The following TRIM6 variants were observed in gnomAD, a reference collection of about 807,000 sequenced individuals.
The protein encoded by TRIM6 is tripartite motif-containing protein 6.
Under a neutral mutation model 51.2 loss-of-function variants are expected in TRIM6, and 43 were observed. The observed-to-expected ratio is 0.84, with a 90% confidence interval of 0.66 to 1.08. The LOEUF (loss-of-function observed/expected upper bound fraction) is 1.08. TRIM6 is among the 50% of genes least tolerant of loss of function. TRIM6 has a pLI of 0.00. For synonymous variants in TRIM6, 215 were observed against 232.4 expected (o/e 0.93, Z 0.68); for missense variants, 669 against 619.0 (o/e 1.08, Z -0.86).
intron 5 of TRIM6, among the ~76,000 whole-genome samples, chr11:5,609,560 G>T (rs1052539519): frequency 5.3e-5 from 8 of 151,900 alleles, no homozygotes. Flanking sequence ...AACATCTCTA[G>T]GACACAGAAA....
chr11:5,608,847 A>ATTT lies in TRIM6; in HGVS notation c.857+472_857+474dup, dbSNP rs370630648. Among the ~76,000 whole-genome samples the ATTT allele has an allele frequency of 9.8e-5, 10 of 101,886 alleles. 2 individuals are homozygous for ATTT. The East Asian group carries it at 1.3e-3, about 14-fold the overall frequency. 66.8% of individuals were successfully genotyped at this position (101,886 alleles called of 152,430 possible). A position where few individuals can be genotyped will look rare whatever the true frequency, so the allele number is the denominator to read the frequency against. On this transcript the variant is annotated intron_variant, in intron 5 of 7. Transcript: ENST00000380097. ...ACACAGGAATTTTCTTTGCCCATAA[A>ATTT]TTTTTTTTTTTTTTTTTTTTTGAGA...
intron 3 of TRIM6, 100 bp from the exon 4 acceptor site, chr11:5,605,237 G>C: frequency 6.6e-7 from 1 of 1,519,324 alleles, no homozygotes; most frequent in Non-Finnish European, 9.1e-7. Flanking sequence ...TGGGAGGCTT[G>C]GCCCAGGAAA....
chr11:5,601,334 C>CT (rs1440457831), intron 1 of TRIM6, among the ~76,000 whole-genome samples: 14 of 152,212 alleles, frequency 9.2e-5, no homozygotes, highest in Non-Finnish European at 1.9e-4. Flanking sequence ...TGTAAAGTCA[C>CT]TTAATGTCTC....
At chr11:5,597,701 T>A (rs1847559671) in intron 1 of TRIM6, among the ~76,000 whole-genome samples, 1 of 152,148 alleles carries the variant, frequency 6.6e-6, no homozygotes, top group Non-Finnish European at 1.5e-5. Flanking sequence ...AGCCCCAGTA[T>A]CCCCTGCTGA....
chr11:5,610,034 A>T, intron 5 of TRIM6, 111 bp from the exon 6 acceptor site: 1 of 1,107,130 alleles, frequency 9.0e-7, no homozygotes, highest in Non-Finnish European at 1.3e-6. Flanking sequence ...TGCTAAGTGT[A>T]TTCAGAAAGG....
rs755737801 is a variant in TRIM6, at chr11:5,611,119, A to G, written c.1328A>G (p.Tyr443Cys). The G allele has an allele frequency of 1.2e-6, 2 of 1,614,188 alleles. No homozygotes were observed. Among genetic ancestry groups the G allele is most frequent in the Admixed American group, 1.7e-5 (1 of 60,022 alleles). The change falls in exon 8 of 8, where the codon TAT becomes TGT. Residue 443 changes from tyrosine (Y) to cysteine (C), a missense_variant. By Grantham distance (194) the Tyr-to-Cys change is radical. Coordinates refer to ENST00000380097, the MANE Select transcript of TRIM6 (RefSeq NM_001003818.3). ...CAGCATAACCATGAATATAGGGCCT[A>G]TGAGGATTCTTCCCCTTCCCTGCTT... ...GLQHNHEYRA[Y>C]EDSSPSLLLS...
chr11:5,596,960 A>G, intron 1 of TRIM6, 46 bp downstream of exon 1: 1 of 1,613,994 alleles, frequency 6.2e-7, no homozygotes, highest in Non-Finnish European at 8.5e-7. Flanking sequence ...CACTTCTGGC[A>G]GAGGTGACAG....
At chr11:5,600,773 C>T (rs1482670404) in intron 1 of TRIM6, among the ~76,000 whole-genome samples, 1 of 152,118 alleles carries the variant, frequency 6.6e-6, no homozygotes, top group African/African-American at 2.4e-5. Context: ...CTGCTCCCTA[C>T]GCACTGTGGC....
At chr11:5,609,617 T>C (rs142441428) in intron 5 of TRIM6, among the ~76,000 whole-genome samples, 188 of 152,178 alleles carry the variant, frequency 1.2e-3, no homozygotes, top group Non-Finnish European at 2.2e-3. Context: ...AAAAACAAAA[T>C]GAGACTTTAA....
intron 7 of TRIM6, 90 bp downstream of exon 7, chr11:5,610,651 T>C (rs1848517235): frequency 1.3e-6 from 2 of 1,571,068 alleles, no homozygotes; most frequent in African/African-American, 2.7e-5. Context: ...ATCCTAGGTG[T>C]TGATGCCTCC....
chr11:5,604,681 A>G, intron 3 of TRIM6, 52 bp downstream of exon 3: 1 of 1,581,134 alleles, frequency 6.3e-7, no homozygotes, highest in Non-Finnish European at 8.6e-7. Flanking sequence ...ATGGCAGGTC[A>G]TAGGAGCTGA....
intron 6 of TRIM6, 77 bp from the exon 7 acceptor site, chr11:5,610,448 CATTCCCCTCA>C (rs1200797493): frequency 1.2e-6 from 2 of 1,608,566 alleles, no homozygotes; most frequent in Non-Finnish European, 1.7e-6. Flanking sequence ...GATTCCTCAC[CATTCCCCTCA>C]ATGTAGTAAG....
Position 5,610,865 on chromosome 11 carries a change from A to G in TRIM6, c.1074A>G (p.Val358=). 6.2e-7 allele frequency: 1 copy of G among 1,614,192 alleles called. No individual in the cohort carries two copies. Among genetic ancestry groups the G allele is most frequent in the Non-Finnish European group, 8.5e-7 (1 of 1,180,040 alleles). Residue 358 remains valine (V), a synonymous_variant, in exon 8 of 8, where the codon GTA becomes GTG. Transcript: ENST00000380097. ...RRQVRFVGAK[V]SGPSCLEKHY... is the part of the protein sequence containing the mutation. ...AAGTGAGGTTTGTGGGAGCTAAAGT[A>G]TCTGGACCTTCCTGTCTGGAAAAGC...
At chr11:5,603,177 G>T in intron 1 of TRIM6, 69 bp from the exon 2 acceptor site, 1 of 1,553,704 alleles carries the variant, frequency 6.4e-7, no homozygotes, top group South Asian at 1.2e-5. Context: ...CCAGGACTGG[G>T]CAGTCAGTAT....
At position 5,603,331 on chromosome 11, in the gene TRIM6, G is replaced by A. The variant is rs149108737; in HGVS notation, c.103G>A (p.Val35Met). 1 of 1,614,106 alleles carries A rather than the reference G, an allele frequency of 6.2e-7. No individual in the cohort carries two copies. Among genetic ancestry groups the A allele is most frequent in the Non-Finnish European group, 8.5e-7 (1 of 1,180,036 alleles). ...AGCTACAATGACTTCACCAGTACTG[G>A]TGGACATACGAGAAGAGGTGACCTG... ...RVATMTSPVLVDIREEVTCPI... is the reference protein window; with the variant it reads ...RVATMTSPVLMDIREEVTCPI... The change falls in exon 2 of 8, where the codon GTG becomes ATG. Residue 35 changes from valine (V) to methionine (M), a missense_variant. Physicochemically the swap from Val to Met is conservative, Grantham distance 21. Transcript: ENST00000380097.
intron 1 of TRIM6, among the ~76,000 whole-genome samples, chr11:5,602,179 G>C (rs1393382013): frequency 1.3e-5 from 2 of 152,206 alleles, no homozygotes; most frequent in African/African-American, 4.8e-5. Flanking sequence ...AGTGGCTCAT[G>C]CCTGTAGTCC....
chr11:5,609,524 C>T (rs1017600189), intron 5 of TRIM6, among the ~76,000 whole-genome samples: 1 of 151,884 alleles, frequency 6.6e-6, no homozygotes, highest in African/African-American at 2.4e-5. Flanking sequence ...AAAAGATTTC[C>T]AAGCCATTAT....
rs535785196 is a variant in TRIM6, at chr11:5,611,768, AAC to A, written c.*428_*429del. On this transcript the variant is annotated 3_prime_UTR_variant, in exon 8 of 8. Transcript: ENST00000380097. ...GCGCCCAGACAGTTCTTTCGTTTTAAACAGTTACTCAGTACTAGGATGCACCC... is the reference window on the plus strand; with the variant it reads ...GCGCCCAGACAGTTCTTTCGTTTTAAAGTTACTCAGTACTAGGATGCACCC... 106 of 186,754 alleles carry A rather than the reference AAC, an allele frequency of 5.7e-4. No individual in the cohort carries two copies. The South Asian group carries it at 0.011, about 20-fold the overall frequency. The allele number at this position is 186,754 out of a possible 1,614,324, so 11.6% of individuals were successfully genotyped here. A position where few individuals can be genotyped will look rare whatever the true frequency, so the allele number is the denominator to read the frequency against.
At chr11:5,598,932 C>T (rs920853120) in intron 1 of TRIM6, among the ~76,000 whole-genome samples, 2 of 152,132 alleles carry the variant, frequency 1.3e-5, no homozygotes, top group African/African-American at 4.8e-5. Flanking sequence ...ATGTATTCAC[C>T]CTTCAAATTT....
Sources: allele counts gnomAD v4.1 joint callset (sites outside exome capture counted in the v4.1 genomes callset), GRCh38; gene constraint gnomAD v4.1.1; transcripts MANE v1.5; gene names NCBI Gene and HGNC (gene_info 2026-07-23, HGNC 2026-07-21).